The following AGBL1 variants were observed in gnomAD, a reference collection of about 807,000 sequenced individuals.
The protein encoded by AGBL1 is cytosolic carboxypeptidase 4.
Under a neutral mutation model 118.9 loss-of-function variants are expected in AGBL1, and 130 were observed. That is an observed-to-expected ratio of 1.09 (90% CI 0.95 to 1.26). The LOEUF is 1.26. Ranked by LOEUF, AGBL1 falls within the 50% of genes most tolerant of loss-of-function variation. AGBL1 has a pLI of 0.00. For synonymous variants in AGBL1, 555 were observed against 478.9 expected, an observed-to-expected ratio of 1.16 and a Z score of -2.08; for missense variants, 1,584 against 1,298.1, an observed-to-expected ratio of 1.22 and a Z score of -3.38.
At chr15:86,855,810 G>C (rs1292855471) in intron 22 of AGBL1, among the ~76,000 whole-genome samples, 1 of 152,172 alleles carries the variant, frequency 6.6e-6, no homozygotes, top group Non-Finnish European at 1.5e-5. Flanking sequence ...ATCCATTTAT[G>C]GTAGAGGCCT....
intron 22 of AGBL1, among the ~76,000 whole-genome samples, chr15:86,684,450 A>G (rs1392277012): frequency 7.0e-6 from 1 of 143,808 alleles, no homozygotes; most frequent in Non-Finnish European, 1.5e-5. Context: ...GTTAGTACCT[A>G]GCATAGTTCT....
At chr15:87,028,895 T>C in exon 25 of AGBL1, 1 of 1,555,224 alleles carries the variant, frequency 6.4e-7, no homozygotes, top group Non-Finnish European at 8.9e-7. Flanking sequence ...GCCCAGCTCC[T>C]CCTGGATCTG....
intron 16 of AGBL1, among the ~76,000 whole-genome samples, chr15:86,282,321 G>T (rs924865015): frequency 6.6e-6 from 1 of 152,106 alleles, no homozygotes; most frequent in African/African-American, 2.4e-5. Context: ...TTATTGGCTT[G>T]TTACTGTTAA....
At chr15:86,549,333 A>C (rs890753347) in intron 20 of AGBL1, among the ~76,000 whole-genome samples, 1 of 152,142 alleles carries the variant, frequency 6.6e-6, no homozygotes, top group Admixed American at 6.6e-5. Context: ...AGTCTTATGC[A>C]CTCAAGATAT....
At chr15:86,534,472 T>A (rs1376088062) in intron 19 of AGBL1, among the ~76,000 whole-genome samples, 1 of 152,210 alleles carries the variant, frequency 6.6e-6, no homozygotes, top group East Asian at 1.9e-4. Context: ...TTTTCTGTGC[T>A]TGGGGTTACT....
intron 22 of AGBL1, among the ~76,000 whole-genome samples, chr15:86,679,409 T>G (rs2085909711): frequency 6.6e-6 from 1 of 152,068 alleles, no homozygotes; most frequent in South Asian, 2.1e-4. Flanking sequence ...TATAGGAAAT[T>G]TCTGGGTTAT....
intron 24 of AGBL1, among the ~76,000 whole-genome samples, chr15:87,010,639 C>T (rs2081549692): frequency 6.6e-6 from 1 of 152,230 alleles, no homozygotes; most frequent in Non-Finnish European, 1.5e-5. Flanking sequence ...ATCCTGGATT[C>T]TCAGGCCTTC....
chr15:86,602,126 T>G (rs1441078153), intron 21 of AGBL1, among the ~76,000 whole-genome samples: 1 of 152,154 alleles, frequency 6.6e-6, no homozygotes, highest in African/African-American at 2.4e-5. Flanking sequence ...CATTTTTCTT[T>G]CTTTAAAATA....
chr15:86,345,987 C>CT (rs796734722), intron 17 of AGBL1, among the ~76,000 whole-genome samples: 3,193 of 145,494 alleles, frequency 0.022, 106 homozygotes, highest in African/African-American at 0.075. Flanking sequence ...ACAGCTCTTC[C>CT]TTTTTTTTTT....
chr15:86,546,977 A>G (rs141565827), intron 20 of AGBL1, among the ~76,000 whole-genome samples: 2 of 152,276 alleles, frequency 1.3e-5, no homozygotes, highest in Non-Finnish European at 2.9e-5. Context: ...CCCAGGGTTA[A>G]TGATAGTATT....
chr15:86,522,481 G>A (rs191715928), intron 18 of AGBL1, among the ~76,000 whole-genome samples: 4 of 152,328 alleles, frequency 2.6e-5, no homozygotes, highest in Non-Finnish European at 5.9e-5. Context: ...ACTGAAGAAC[G>A]CATAGCCTAG....
chr15:86,256,722 G>C, intron 7 of AGBL1, 131 bp from the exon 8 acceptor site: 1 of 854,460 alleles, frequency 1.2e-6, no homozygotes, highest in African/African-American at 1.7e-5. Context: ...CTGTCCATGC[G>C]TATAATTCAT....
chr15:86,819,361 G>C (rs747520663), intron 22 of AGBL1, among the ~76,000 whole-genome samples: 1 of 152,046 alleles, frequency 6.6e-6, no homozygotes, highest in Non-Finnish European at 1.5e-5. Context: ...CTTCTCACAT[G>C]CTTTGCATAT....
At chr15:86,117,017 C>A (rs548727648) in intron 1 of AGBL1, among the ~76,000 whole-genome samples, 7 of 150,696 alleles carry the variant, frequency 4.6e-5, no homozygotes, top group Non-Finnish European at 8.8e-5. Context: ...TATCAATGGT[C>A]ATCATCAAAG....
chr15:86,898,707 C>T (rs1027491751), intron 22 of AGBL1, among the ~76,000 whole-genome samples: 1 of 151,814 alleles, frequency 6.6e-6, no homozygotes, highest in African/African-American at 2.4e-5. Flanking sequence ...AAACAAACAA[C>T]CCTATTAAAA....
At chr15:86,402,271 C>T (rs1198091454) in intron 18 of AGBL1, among the ~76,000 whole-genome samples, 1 of 151,920 alleles carries the variant, frequency 6.6e-6, no homozygotes, top group Non-Finnish European at 1.5e-5. Context: ...AGCTTAGTTA[C>T]TGTTAGTGTA....
intron 18 of AGBL1, among the ~76,000 whole-genome samples, chr15:86,486,507 A>T (rs1286618208): frequency 6.6e-6 from 1 of 152,138 alleles, no homozygotes; most frequent in South Asian, 2.1e-4. Flanking sequence ...GGACGTTGGG[A>T]TCTGTCTGAT....
chr15:86,356,116 G>A (rs1160658145), intron 17 of AGBL1, among the ~76,000 whole-genome samples: 2 of 152,120 alleles, frequency 1.3e-5, no homozygotes, highest in Admixed American at 1.3e-4. Context: ...TGGTAAGCAA[G>A]AGCTGGATTG....
intron 23 of AGBL1, among the ~76,000 whole-genome samples, chr15:86,954,516 G>A (rs1277551981): frequency 6.6e-6 from 1 of 152,174 alleles, no homozygotes; most frequent in Admixed American, 6.5e-5. Flanking sequence ...AGATGCAACT[G>A]GATGCCATAA....
Sources: gnomAD v4.1 joint callset for allele counts (sites outside exome capture counted in the v4.1 genomes callset) on GRCh38, gnomAD v4.1.1 for gene constraint, MANE v1.5 for transcripts, NCBI Gene and HGNC (gene_info 2026-07-23, HGNC 2026-07-21) for gene names.